Variants in NEBL observed in about 807,000 individuals in gnomAD.
NEBL encodes nebulette.
A neutral mutation model predicts 140.2 loss-of-function variants in NEBL; 122 were observed. The observed-to-expected ratio is 0.87, with a 90% CI of 0.75 to 1.01. The LOEUF is 1.01. Among genes scored for constraint, NEBL ranks in the 50% least tolerant of loss-of-function variants. NEBL has a pLI of 0.00. For missense variants in NEBL, 1,365 were observed against 1,231.3 expected, an observed-to-expected ratio of 1.11 and a Z score of -1.62; for synonymous variants, 436 against 398.9, an observed-to-expected ratio of 1.09 and a Z score of -1.11.
At chr10:21,154,619 T>C (rs967644908) in intron 2 of NEBL, among the ~76,000 whole-genome samples, 2 of 152,140 alleles carry the variant, frequency 1.3e-5, no homozygotes, top group Non-Finnish European at 2.9e-5. Context: ...CAGCACAAAC[T>C]CTACACATTA....
intron 2 of NEBL, among the ~76,000 whole-genome samples, chr10:20,893,037 C>T (rs1435451145): frequency 1.3e-5 from 2 of 152,198 alleles, no homozygotes; most frequent in Non-Finnish European, 2.9e-5. Context: ...TTACCCACAA[C>T]AACGTTCATT....
At chr10:20,910,884 C>T (rs531918609) in intron 4 of NEBL, among the ~76,000 whole-genome samples, 39 of 149,958 alleles carry the variant, frequency 2.6e-4, no homozygotes, top group African/African-American at 9.6e-4. Flanking sequence ...AGAGTAGGCA[C>T]TGGCCAGGCA....
intron 2 of NEBL, among the ~76,000 whole-genome samples, chr10:21,149,037 C>T (rs7098153): frequency 0.11 from 16,685 of 152,214 alleles, 1,018 homozygotes; most frequent in Non-Finnish European, 0.14. Flanking sequence ...CCTGAAAGGA[C>T]GGGACTGGCT....
rs1385371065 is a variant in NEBL at position 20,880,809 on chromosome 10, A to G, written c.465T>C (p.Asn155=). The change falls in exon 5 of 28, where the codon AAT becomes AAC. Residue 155 remains asparagine, a synonymous_variant. Coordinates refer to ENST00000377122, the MANE Select transcript of NEBL (RefSeq NM_006393.3). ...GCTTCCTTACATTACTCTGGTGTTT[A>G]TTGACCTCCATGGCATGTTTAACCT... ...PPEVKHAMEV[N]KHQSNISYRK... is the part of the protein sequence containing the mutation. The G allele has an allele frequency of 6.2e-7, 1 of 1,612,592 alleles. No homozygotes were observed. Among genetic ancestry groups the G allele is most frequent in the Non-Finnish European group, 8.5e-7 (1 of 1,178,576 alleles).
chr10:20,932,993 T>C (rs1413558065), intron 4 of NEBL, among the ~76,000 whole-genome samples: 2 of 152,196 alleles, frequency 1.3e-5, no homozygotes, highest in East Asian at 3.9e-4. Flanking sequence ...AAATATCCAA[T>C]TGCATAAATT....
chr10:20,933,250 T>G (rs1834291283), intron 4 of NEBL, among the ~76,000 whole-genome samples: 1 of 152,170 alleles, frequency 6.6e-6, no homozygotes, highest in African/African-American at 2.4e-5. Flanking sequence ...AATTTATAAA[T>G]TGTTACCTGT....
At chr10:20,836,309 G>T (rs1415019493) in intron 13 of NEBL, among the ~76,000 whole-genome samples, 1 of 151,984 alleles carries the variant, frequency 6.6e-6, no homozygotes, top group East Asian at 1.9e-4. Flanking sequence ...TGCAACTTGT[G>T]CCTCCTGGGT....
At chr10:20,827,444 G>A (rs1244804161) in intron 17 of NEBL, among the ~76,000 whole-genome samples, 1 of 152,188 alleles carries the variant, frequency 6.6e-6, no homozygotes, top group Non-Finnish European at 1.5e-5. Flanking sequence ...AACTAATTAG[G>A]AGGTAGGAAA....
intron 3 of NEBL, among the ~76,000 whole-genome samples, chr10:20,990,873 C>T (rs1837430693): frequency 6.6e-6 from 1 of 152,170 alleles, no homozygotes; most frequent in Non-Finnish European, 1.5e-5. Context: ...CTGATTTTCT[C>T]ATTACCAATC....
At chr10:20,927,031 G>C (rs1227439988) in intron 4 of NEBL, among the ~76,000 whole-genome samples, 3 of 152,204 alleles carry the variant, frequency 2.0e-5, no homozygotes, top group Non-Finnish European at 4.4e-5. Context: ...GGTGGTGGTG[G>C]AAAGAAAGGA....
At chr10:20,835,912 T>C (rs1588731309) in intron 13 of NEBL, among the ~76,000 whole-genome samples, 1 of 151,866 alleles carries the variant, frequency 6.6e-6, no homozygotes, top group South Asian at 2.1e-4. Flanking sequence ...GATAGGGAGG[T>C]GGGTGTAAAT....
At chr10:21,155,818 T>C (rs560679508) in intron 2 of NEBL, among the ~76,000 whole-genome samples, 7 of 152,224 alleles carry the variant, frequency 4.6e-5, no homozygotes, top group East Asian at 1.9e-4. Context: ...TTTCCACTTA[T>C]TGAGCTGTGC....
At chr10:21,228,897 G>T (rs1250098427) in intron 3 of NEBL, among the ~76,000 whole-genome samples, 2 of 152,124 alleles carry the variant, frequency 1.3e-5, no homozygotes, top group South Asian at 2.1e-4. Context: ...AGAGTTAGTA[G>T]TAGCCCATGG....
At chr10:21,014,377 G>A (rs1237431087) in intron 3 of NEBL, among the ~76,000 whole-genome samples, 1 of 152,118 alleles carries the variant, frequency 6.6e-6, no homozygotes, top group African/African-American at 2.4e-5. Flanking sequence ...ACTCACTGCA[G>A]GATATCCAAA....
chr10:21,214,494 ACACACATGCACACACATG>A (rs1376691778), intron 3 of NEBL, among the ~76,000 whole-genome samples: 6 of 151,338 alleles, frequency 4.0e-5, no homozygotes, highest in African/African-American at 1.5e-4. Flanking sequence ...CGCGCACATT[ACACACATGCACACACATG>A]CACACATGCA....
chr10:20,830,609 T>A (rs1051649869), intron 16 of NEBL, among the ~76,000 whole-genome samples: 3 of 152,142 alleles, frequency 2.0e-5, no homozygotes, highest in African/African-American at 4.8e-5. Flanking sequence ...CTTTAGCCAC[T>A]GTTAGCTTTA....
chr10:21,268,524 AT>A (rs202006533), intron 1 of NEBL, among the ~76,000 whole-genome samples: 8,401 of 145,580 alleles, frequency 0.058, 658 homozygotes, highest in African/African-American at 0.18. Flanking sequence ...TTTTAATTTA[AT>A]TTTTTTTTTT....
chr10:20,940,923 C>G (rs1249277853), intron 4 of NEBL, among the ~76,000 whole-genome samples: 2 of 152,126 alleles, frequency 1.3e-5, no homozygotes, highest in Admixed American at 1.3e-4. Flanking sequence ...ATAACAGGCT[C>G]TGAAATTGAG....
At chr10:21,120,827 C>T (rs1263534754) in intron 2 of NEBL, among the ~76,000 whole-genome samples, 8 of 152,012 alleles carry the variant, frequency 5.3e-5, no homozygotes, top group Admixed American at 3.9e-4. Flanking sequence ...CACAACTCTG[C>T]GTCGGCTGCT....
Sources: gnomAD v4.1 joint callset for allele counts (sites outside exome capture counted in the v4.1 genomes callset) on GRCh38, gnomAD v4.1.1 for gene constraint, MANE v1.5 for transcripts, NCBI Gene and HGNC (gene_info 2026-07-23, HGNC 2026-07-21) for gene names.